ERBB4: variants seen among roughly 807,000 people sequenced by gnomAD.
ERBB4 encodes erb-b2 receptor tyrosine kinase 4.
ERBB4 carries 42 observed loss-of-function variants against 158.0 expected under a neutral mutation model. The ratio of observed to expected loss-of-function variants is 0.27; its 90% confidence interval spans 0.21 to 0.34. The LOEUF (loss-of-function observed/expected upper bound fraction) is 0.34. Ranked by LOEUF, ERBB4 falls within the 10% of genes least tolerant of loss-of-function variation. ERBB4 has a pLI of 1.00. For synonymous variants in ERBB4, 583 were observed against 558.7 expected (o/e 1.04, Z -0.61); for missense variants, 1,333 against 1,624.1 (o/e 0.82, Z 3.08).
chr2:211,723,588 A>G (rs2074172382), intron 6 of ERBB4, among the ~76,000 whole-genome samples: 1 of 152,192 alleles, frequency 6.6e-6, no homozygotes. Context: ...TACTAGATGC[A>G]TAATCAGAAC....
At chr2:212,528,483 T>C (rs1692571870) in intron 1 of ERBB4, among the ~76,000 whole-genome samples, 2 of 152,166 alleles carry the variant, frequency 1.3e-5, no homozygotes, top group South Asian at 4.1e-4. Flanking sequence ...TTTCTTCTCA[T>C]GGATTCTTAA....
At chr2:212,103,746 T>G (rs2079147971) in intron 2 of ERBB4, among the ~76,000 whole-genome samples, 1 of 151,996 alleles carries the variant, frequency 6.6e-6, no homozygotes, top group South Asian at 2.1e-4. Context: ...AATGCACCTC[T>G]TCTATTTACT....
chr2:211,419,488 A>T (rs1211909857), intron 25 of ERBB4, among the ~76,000 whole-genome samples: 1 of 142,906 alleles, frequency 7.0e-6, no homozygotes, highest in Non-Finnish European at 1.5e-5. Context: ...ATGTTCTTAG[A>T]TTAAGAGAAA....
chr2:211,544,345 T>A (rs570998755), intron 20 of ERBB4, among the ~76,000 whole-genome samples: 2 of 152,210 alleles, frequency 1.3e-5, no homozygotes, highest in African/African-American at 4.8e-5. Flanking sequence ...AGAGCTTTTT[T>A]CCAATCATTT....
chr2:212,467,204 A>G (rs1296230135), intron 1 of ERBB4, among the ~76,000 whole-genome samples: 2 of 152,248 alleles, frequency 1.3e-5, no homozygotes, highest in Non-Finnish European at 2.9e-5. Flanking sequence ...AGAAAATCCC[A>G]TATTCTGAAG....
At chr2:211,981,008 C>T (rs1257342671) in intron 2 of ERBB4, among the ~76,000 whole-genome samples, 1 of 150,314 alleles carries the variant, frequency 6.7e-6, no homozygotes. Context: ...ATTATAATTT[C>T]TCTTCAATCC....
At chr2:212,495,682 A>T (rs1690525003) in intron 1 of ERBB4, among the ~76,000 whole-genome samples, 1 of 152,206 alleles carries the variant, frequency 6.6e-6, no homozygotes, top group Non-Finnish European at 1.5e-5. Context: ...CCTGGCACAT[A>T]ATTATAGCCT....
intron 12 of ERBB4, among the ~76,000 whole-genome samples, chr2:211,697,652 T>C (rs1207997840): frequency 1.3e-5 from 2 of 152,180 alleles, no homozygotes; most frequent in Non-Finnish European, 2.9e-5. Context: ...TAAAAAAAGA[T>C]AAATTAATCA....
rs533769907 is a variant in ERBB4, at chr2:211,546,907, C to T, written c.2487+14996G>A. ...ATTACAAATACTGATCGTGACAAGG[C>T]TTGAGTGCATTTAGAAACAAATAAG... On this transcript the variant is annotated intron_variant, in intron 20 of 27. Transcript: ENST00000342788. Among the ~76,000 whole-genome samples the T allele has an allele frequency of 4.6e-5, 7 of 152,100 alleles. No homozygotes were observed. In the South Asian group the frequency reaches 1.5e-3, roughly 32 times the overall value.
At chr2:211,536,715 A>G (rs549993928) in intron 20 of ERBB4, among the ~76,000 whole-genome samples, 1 of 152,220 alleles carries the variant, frequency 6.6e-6, no homozygotes, top group East Asian at 1.9e-4. Context: ...GGAGTCAGAA[A>G]TAAAGAAAAC....
At chr2:211,972,063 C>T (rs2081469982) in intron 2 of ERBB4, among the ~76,000 whole-genome samples, 1 of 152,154 alleles carries the variant, frequency 6.6e-6, no homozygotes, top group Non-Finnish European at 1.5e-5. Flanking sequence ...TCAGCAAAGT[C>T]TCAGGATATA....
At chr2:212,314,108 A>C (rs568579754) in intron 1 of ERBB4, among the ~76,000 whole-genome samples, 1 of 151,180 alleles carries the variant, frequency 6.6e-6, no homozygotes, top group Middle Eastern at 3.2e-3. Context: ...TCTTTCCCTA[A>C]AATGCTGAAT....
At chr2:212,044,813 T>C (rs1295701227) in intron 2 of ERBB4, among the ~76,000 whole-genome samples, 3 of 152,186 alleles carry the variant, frequency 2.0e-5, no homozygotes, top group East Asian at 3.9e-4. Context: ...GAACCATAAA[T>C]GACCCTGATT....
intron 4 of ERBB4, among the ~76,000 whole-genome samples, chr2:211,785,698 T>C (rs1033372431): frequency 1.3e-5 from 2 of 152,090 alleles, no homozygotes; most frequent in Admixed American, 6.6e-5. Context: ...ATATTATTTA[T>C]GCCTATCACT....
At chr2:212,221,840 A>T (rs1440348653) in intron 1 of ERBB4, among the ~76,000 whole-genome samples, 1 of 151,318 alleles carries the variant, frequency 6.6e-6, no homozygotes, top group African/African-American at 2.4e-5. Flanking sequence ...ATTATACCTC[A>T]CCTATGCCTG....
chr2:211,498,048 T>A (rs1336015036), intron 20 of ERBB4, among the ~76,000 whole-genome samples: 1 of 152,074 alleles, frequency 6.6e-6, no homozygotes, highest in Non-Finnish European at 1.5e-5. Context: ...GACCTGCATG[T>A]TTTTAATAAA....
intron 1 of ERBB4, among the ~76,000 whole-genome samples, chr2:212,536,730 A>T (rs1693089360): frequency 6.6e-6 from 1 of 152,154 alleles, no homozygotes; most frequent in Non-Finnish European, 1.5e-5. Context: ...CACAGTTAAT[A>T]CCAAATTGCT....
intron 19 of ERBB4, among the ~76,000 whole-genome samples, chr2:211,606,620 G>T (rs1468444676): frequency 6.6e-6 from 1 of 151,838 alleles, no homozygotes; most frequent in Non-Finnish European, 1.5e-5. Context: ...CAAGTGAAAA[G>T]AATAACAGAA....
chr2:212,071,524 T>C (rs778988907), intron 2 of ERBB4, among the ~76,000 whole-genome samples: 1 of 151,950 alleles, frequency 6.6e-6, no homozygotes, highest in African/African-American at 2.4e-5. Flanking sequence ...TGAATGTACT[T>C]TTTGAGTACA....
Sources: allele counts gnomAD v4.1 joint callset (sites outside exome capture counted in the v4.1 genomes callset), GRCh38; gene constraint gnomAD v4.1.1; transcripts MANE v1.5; gene names NCBI Gene and HGNC (gene_info 2026-07-23, HGNC 2026-07-21).